Variants in MACROD2 observed in about 807,000 individuals in gnomAD.
The protein encoded by MACROD2 is mono-ADP ribosylhydrolase 2.
MACROD2 carries 36 observed loss-of-function variants against 70.4 expected under a neutral mutation model. That is an observed-to-expected ratio of 0.51 (90% CI 0.39 to 0.68). The LOEUF is 0.68. Among genes scored for constraint, MACROD2 ranks in the 30% least tolerant of loss-of-function variants. The probability of loss-of-function intolerance (pLI) is 0.00; values close to 1 mark genes in which losing one functional copy is unlikely to be tolerated. For synonymous variants in MACROD2, 172 were observed against 178.8 expected, an observed-to-expected ratio of 0.96 and a Z score of 0.30; for missense variants, 496 against 538.4, an observed-to-expected ratio of 0.92 and a Z score of 0.78.
At chr20:14,915,843 A>G (rs1334808870) in intron 5 of MACROD2, among the ~76,000 whole-genome samples, 1 of 152,186 alleles carries the variant, frequency 6.6e-6, no homozygotes, top group Non-Finnish European at 1.5e-5. Flanking sequence ...GCGAGTCATC[A>G]TTCTTGATGA....
At chr20:15,049,186 T>C (rs2075419308) in intron 5 of MACROD2, among the ~76,000 whole-genome samples, 1 of 151,946 alleles carries the variant, frequency 6.6e-6, no homozygotes, top group Non-Finnish European at 1.5e-5. Flanking sequence ...TGTGGAATGA[T>C]AAACAGTAAT....
intron 8 of MACROD2, among the ~76,000 whole-genome samples, chr20:15,750,345 A>T (rs1259481483): frequency 6.6e-6 from 1 of 152,088 alleles, no homozygotes; most frequent in Admixed American, 6.6e-5. Context: ...AATACTTTTT[A>T]AAACCCACAA....
chr20:14,730,994 CACACACACACACACAT>C (rs150421459), intron 5 of MACROD2, among the ~76,000 whole-genome samples: 21,354 of 150,900 alleles, frequency 0.14, 2,003 homozygotes, highest in South Asian at 0.38. Context: ...CACACACACA[CACACACACACACACAT>C]GCACACACAC....
chr20:14,618,834 C>A (rs1315021067), intron 4 of MACROD2, among the ~76,000 whole-genome samples: 1 of 152,156 alleles, frequency 6.6e-6, no homozygotes, highest in Non-Finnish European at 1.5e-5. Flanking sequence ...CCAAGAAATT[C>A]TATGGGCTTT....
At chr20:14,518,573 T>C (rs1394647670) in intron 4 of MACROD2, among the ~76,000 whole-genome samples, 3 of 152,202 alleles carry the variant, frequency 2.0e-5, no homozygotes, top group Non-Finnish European at 4.4e-5. Flanking sequence ...TTATTACAGA[T>C]GGCTACTGAA....
intron 3 of MACROD2, chr20:14,127,843 G>A (rs903581333): frequency 2.1e-6 from 1 of 468,924 alleles, no homozygotes; most frequent in Non-Finnish European, 4.2e-6. Context: ...TCAATAGCAG[G>A]AAGCACCAAC....
chr20:14,649,342 A>G lies in MACROD2; in HGVS notation c.302-35501A>G, dbSNP rs564137360. 3.9e-5 allele frequency among the ~76,000 whole-genome samples: 6 copies of G among 152,256 alleles called. No individual in the cohort carries two copies. The East Asian group carries it at 1.2e-3, about 29-fold the overall frequency. Reference sequence around the variant, plus strand: ...GCATAGTCAATTTCCTCAGATATAGACCAATACTGATATCTAAAAAGTTTA... The same window carrying G: ...GCATAGTCAATTTCCTCAGATATAGGCCAATACTGATATCTAAAAAGTTTA... On this transcript the variant is annotated intron_variant, in intron 4 of 17. Transcript: ENST00000684519.
intron 4 of MACROD2, among the ~76,000 whole-genome samples, chr20:14,609,148 A>G (rs1405156883): frequency 6.6e-6 from 1 of 152,046 alleles, no homozygotes; most frequent in Non-Finnish European, 1.5e-5. Context: ...TCTGGGAAAA[A>G]CAGTGAAAGA....
chr20:14,246,987 G>A (rs6110212), intron 3 of MACROD2, among the ~76,000 whole-genome samples: 1 of 151,790 alleles, frequency 6.6e-6, no homozygotes, highest in Non-Finnish European at 1.5e-5. Flanking sequence ...ATATCCTTTT[G>A]TCTCCTCTCA....
intron 8 of MACROD2, among the ~76,000 whole-genome samples, chr20:15,771,811 A>G (rs2051632255): frequency 6.6e-6 from 1 of 151,818 alleles, no homozygotes. Flanking sequence ...TGGGCCAGGC[A>G]CGGTGGCTCA....
intron 8 of MACROD2, among the ~76,000 whole-genome samples, chr20:15,572,932 C>A (rs2048395216): frequency 6.6e-6 from 1 of 152,056 alleles, no homozygotes; most frequent in Admixed American, 6.5e-5. Flanking sequence ...ACATCTTATC[C>A]ACATTACCTT....
intron 4 of MACROD2, among the ~76,000 whole-genome samples, chr20:14,629,967 C>CTATCTATT (rs1555809615): frequency 8.6e-5 from 13 of 151,250 alleles, no homozygotes; most frequent in Non-Finnish European, 1.6e-4. Context: ...ATCTATCTAT[C>CTATCTATT]TATCTATCTA....
intron 3 of MACROD2, among the ~76,000 whole-genome samples, chr20:14,370,656 T>A (rs992865255): frequency 2.0e-5 from 3 of 152,196 alleles, no homozygotes; most frequent in Non-Finnish European, 4.4e-5. Flanking sequence ...GTTTTAAGGA[T>A]AGAGAGCCAG....
chr20:14,002,456 A>C (rs774099907), intron 2 of MACROD2, 52 bp downstream of exon 2: 2 of 1,098,856 alleles, frequency 1.8e-6, no homozygotes, highest in East Asian at 2.4e-5. Flanking sequence ...TTTTAGGACA[A>C]TTGTTGACAG....
Position 15,893,289 on chromosome 20 carries a change from A to G in MACROD2, c.775+7478A>G, listed in dbSNP as rs140411101. Among the ~76,000 whole-genome samples the G allele has an allele frequency of 6.0e-4, 91 of 152,364 alleles. 2 individuals carry two copies. Among genetic ancestry groups the G allele is most frequent in the African/African-American group, 2.1e-3 (86 of 41,592 alleles). ...AAATTGTAGGTAGTGCTTACCAGTTACATGTTCCAAAATTGTGCAAAAGTG... is the reference window on the plus strand; with the variant it reads ...AAATTGTAGGTAGTGCTTACCAGTTGCATGTTCCAAAATTGTGCAAAAGTG... On this transcript the variant is annotated intron_variant, in intron 10 of 17. Transcript: ENST00000684519.
intron 6 of MACROD2, among the ~76,000 whole-genome samples, chr20:15,379,817 T>C (rs554040416): frequency 3.5e-4 from 53 of 152,288 alleles, no homozygotes; most frequent in African/African-American, 1.2e-3. Flanking sequence ...TTTAAGAATG[T>C]ACATTAGATT....
At chr20:15,718,043 C>T (rs6043482) in intron 8 of MACROD2, among the ~76,000 whole-genome samples, 24 of 144,340 alleles carry the variant, frequency 1.7e-4, no homozygotes, top group African/African-American at 5.6e-4. Flanking sequence ...TGTTTTGAGA[C>T]GGAGTTTCAC....
intron 17 of MACROD2, 79 bp from the exon 18 acceptor site, chr20:16,049,751 G>A (rs372017697): frequency 3.5e-6 from 5 of 1,439,042 alleles, no homozygotes; most frequent in South Asian, 2.3e-5. Flanking sequence ...TTAAATGGCT[G>A]TATTAAAAAT....
At chr20:14,299,271 G>A (rs574132353) in intron 3 of MACROD2, among the ~76,000 whole-genome samples, 1 of 152,298 alleles carries the variant, frequency 6.6e-6, no homozygotes, top group African/African-American at 2.4e-5. Flanking sequence ...CGAAGTCTCA[G>A]ACATTTATTG....
Sources: allele counts gnomAD v4.1 joint callset (sites outside exome capture counted in the v4.1 genomes callset), GRCh38; gene constraint gnomAD v4.1.1; transcripts MANE v1.5; gene names NCBI Gene and HGNC (gene_info 2026-07-23, HGNC 2026-07-21).